The following EPB41L4A variants were observed in gnomAD, a reference collection of about 807,000 sequenced individuals.
The protein encoded by EPB41L4A is erythrocyte membrane protein band 4.1 like 4A.
In EPB41L4A, 100 loss-of-function variants were observed where a neutral mutation model predicts 108.6. The ratio of observed to expected loss-of-function variants is 0.92; its 90% confidence interval spans 0.78 to 1.09. The LOEUF is 1.09. EPB41L4A is among the 50% of genes least tolerant of loss of function. The pLI is 0.00. For synonymous variants in EPB41L4A, 319 were observed against 289.0 expected (o/e 1.10, Z -1.05); for missense variants, 1,030 against 842.7 (o/e 1.22, Z -2.75).
At chr5:112,377,205 C>G (rs1759875214) in intron 1 of EPB41L4A, among the ~76,000 whole-genome samples, 1 of 128,932 alleles carries the variant, frequency 7.8e-6, no homozygotes, top group Non-Finnish European at 1.6e-5. Context: ...ATACTGTTGT[C>G]TGTTTGTTTG....
At chr5:112,315,767 A>G (rs1755391483) in intron 1 of EPB41L4A, among the ~76,000 whole-genome samples, 1 of 152,128 alleles carries the variant, frequency 6.6e-6, no homozygotes, top group South Asian at 2.1e-4. Flanking sequence ...TTTATGCAAT[A>G]AAAATAAAGA....
intron 2 of EPB41L4A, among the ~76,000 whole-genome samples, chr5:112,295,279 A>G (rs1328635619): frequency 6.6e-6 from 1 of 152,238 alleles, no homozygotes; most frequent in Non-Finnish European, 1.5e-5. Flanking sequence ...CCAAGATTCT[A>G]GCTTGAGCAA....
intron 18 of EPB41L4A, among the ~76,000 whole-genome samples, chr5:112,181,217 C>T (rs1206596096): frequency 3.3e-5 from 5 of 150,802 alleles, no homozygotes; most frequent in South Asian, 2.1e-4. Context: ...TTTGGGAGGC[C>T]GAGGCGGGCG....
intron 13 of EPB41L4A, among the ~76,000 whole-genome samples, chr5:112,145,655 G>C (rs1314994552): frequency 6.6e-6 from 1 of 152,114 alleles, no homozygotes; most frequent in East Asian, 1.9e-4. Context: ...ATACTACCAA[G>C]TTTAACCAGC....
intron 1 of EPB41L4A, among the ~76,000 whole-genome samples, chr5:112,372,768 A>T (rs1759570984): frequency 6.6e-6 from 1 of 152,200 alleles, no homozygotes; most frequent in African/African-American, 2.4e-5. Context: ...AACCTGACTC[A>T]CTATGGTTAC....
intron 18 of EPB41L4A, among the ~76,000 whole-genome samples, chr5:112,173,407 A>C (rs1295864030): frequency 6.6e-6 from 1 of 152,158 alleles, no homozygotes; most frequent in Non-Finnish European, 1.5e-5. Flanking sequence ...ACATTAAAAA[A>C]ATGATAACAT....
At position 112,391,333 on chromosome 5, in the gene EPB41L4A, A is replaced by T. The variant is rs185162215; in HGVS notation, c.99+27608T>A. Among the ~76,000 whole-genome samples, 719 of 152,324 alleles carry T rather than the reference A, an allele frequency of 4.7e-3. 7 individuals carry two copies. Among genetic ancestry groups the T allele is most frequent in the African/African-American group, 0.016 (670 of 41,582 alleles). On this transcript the variant is annotated intron_variant, in intron 1 of 22. Transcript: ENST00000261486. ...CGCAAGGAAGCTAAAAACTTTGAAAAAAGATGAGATGAATGGCTAACAAGA... is the reference window on the plus strand; with the variant it reads ...CGCAAGGAAGCTAAAAACTTTGAAATAAGATGAGATGAATGGCTAACAAGA...
intron 9 of EPB41L4A, among the ~76,000 whole-genome samples, chr5:112,254,469 A>G (rs1159779169): frequency 2.0e-5 from 3 of 152,152 alleles, no homozygotes; most frequent in African/African-American, 7.2e-5. Flanking sequence ...TTAAATGCAC[A>G]TCCGATCATG....
intron 1 of EPB41L4A, among the ~76,000 whole-genome samples, chr5:112,379,636 A>C (rs1240713425): frequency 6.6e-6 from 1 of 152,192 alleles, no homozygotes; most frequent in African/African-American, 2.4e-5. Flanking sequence ...GGAAGATGAG[A>C]TCTCACCAAC....
intron 4 of EPB41L4A, among the ~76,000 whole-genome samples, chr5:112,271,370 A>G (rs1009244194): frequency 1.3e-5 from 2 of 152,222 alleles, no homozygotes; most frequent in African/African-American, 4.8e-5. Flanking sequence ...TACCTTTATC[A>G]TTATTGAACA....
In EPB41L4A at chr5:112,191,462, A is replaced by G. The variant is rs143268059; in HGVS notation, c.1502+3106T>C. Among the ~76,000 whole-genome samples the G allele has an allele frequency of 1.0e-3, 155 of 152,258 alleles. 3 individuals carry two copies. In the East Asian group the frequency reaches 0.028, roughly 27 times the overall value. On this transcript the variant is annotated intron_variant, in intron 17 of 22. Coordinates refer to ENST00000261486, the MANE Select transcript of EPB41L4A (RefSeq NM_022140.5). ...GTGGATTATTATTTTTTAAAATTTA[A>G]TGGTTGTCAAAAGCCTGTTTTGGGT...
intron 13 of EPB41L4A, chr5:112,143,993 C>T: frequency 2.8e-6 from 1 of 354,848 alleles, no homozygotes; most frequent in Non-Finnish European, 5.9e-6. Flanking sequence ...CCCTTATTAT[C>T]ACTGGACTGG....
chr5:112,191,738 T>C (rs1293194366), intron 17 of EPB41L4A, among the ~76,000 whole-genome samples: 3 of 149,968 alleles, frequency 2.0e-5, no homozygotes, highest in East Asian at 1.9e-4. Flanking sequence ...AAAGACCACA[T>C]GCAACTTCCA....
At chr5:112,398,810 C>T (rs543329822) in intron 1 of EPB41L4A, among the ~76,000 whole-genome samples, 5 of 151,944 alleles carry the variant, frequency 3.3e-5, no homozygotes, top group South Asian at 2.1e-4. Flanking sequence ...CAATCTTATT[C>T]GAGTTCATAG....
At chr5:112,156,874 A>G (rs1759666511) in intron 12 of EPB41L4A, among the ~76,000 whole-genome samples, 1 of 152,142 alleles carries the variant, frequency 6.6e-6, no homozygotes, top group South Asian at 2.1e-4. Flanking sequence ...AAAAAGGAGA[A>G]GGAGTCCAAG....
chr5:112,234,610 T>G (rs1186357457), intron 12 of EPB41L4A, 24 bp downstream of exon 12: 2 of 1,609,862 alleles, frequency 1.2e-6, no homozygotes, highest in African/African-American at 1.3e-5. Flanking sequence ...GTTACATAGA[T>G]AACTCAGGGG....
chr5:112,260,301 G>C (rs1751407329), intron 7 of EPB41L4A, among the ~76,000 whole-genome samples: 1 of 152,162 alleles, frequency 6.6e-6, no homozygotes, highest in Non-Finnish European at 1.5e-5. Context: ...ATATTAACTG[G>C]AATCACTGTG....
Position 112,164,787 on chromosome 5 carries a change from C to A in EPB41L4A, c.*203G>T. The A allele has an allele frequency of 2.5e-6, 1 of 403,246 alleles. No homozygotes were observed. 25.0% of individuals were successfully genotyped at this position (403,246 alleles called of 1,614,324 possible). ...AAGTGGAGGCTGCGGTGAGCTGACA[C>A]GGTGCCGCTGCACTCCAGCCTGGGC... On this transcript the variant is annotated 3_prime_UTR_variant, in exon 23 of 23. Transcript: ENST00000261486.
chr5:112,158,407 A>G (rs73787782), downstream of EPB41L4A: 1 of 434,862 alleles, frequency 2.3e-6, no homozygotes. Context: ...TTACCTTTAA[A>G]TGAGGAAACT....
Sources: gnomAD v4.1 joint callset for allele counts (sites outside exome capture counted in the v4.1 genomes callset) on GRCh38, gnomAD v4.1.1 for gene constraint, MANE v1.5 for transcripts, NCBI Gene and HGNC (gene_info 2026-07-23, HGNC 2026-07-21) for gene names.